The following SCAMP2 variants were observed in gnomAD, a reference collection of about 807,000 sequenced individuals.
The protein encoded by SCAMP2 is secretory carrier membrane protein 2.
Under a neutral mutation model 44.1 loss-of-function variants are expected in SCAMP2, and 25 were observed. That is an observed-to-expected ratio of 0.57 (90% CI 0.41 to 0.79). The LOEUF is 0.79. SCAMP2 is among the 30% of genes least tolerant of loss of function. SCAMP2 has a pLI of 0.00. For synonymous variants in SCAMP2, 156 were observed against 166.0 expected (o/e 0.94, Z 0.46); for missense variants, 355 against 411.0 (o/e 0.86, Z 1.18).
intron 4 of SCAMP2, 21 bp downstream of exon 4, chr15:74,852,048 G>A (rs2064438739): frequency 2.0e-6 from 3 of 1,520,730 alleles, no homozygotes; most frequent in Non-Finnish European, 2.7e-6. Context: ...GGCAGCCCCA[G>A]GCCCCAGCAG....
At chr15:74,861,695 G>A (rs1476181237) in intron 1 of SCAMP2, among the ~76,000 whole-genome samples, 7 of 151,714 alleles carry the variant, frequency 4.6e-5, no homozygotes, top group Non-Finnish European at 5.9e-5. Flanking sequence ...TCAGGAGATC[G>A]AGACCATCCT....
chr15:74,853,957 C>T, intron 3 of SCAMP2, 64 bp downstream of exon 3: 2 of 1,407,234 alleles, frequency 1.4e-6, no homozygotes, highest in Non-Finnish European at 2.0e-6. Context: ...CCTCAGGGCT[C>T]AGCTACTGGT....
At chr15:74,853,273 C>A in intron 3 of SCAMP2, 1 of 382,642 alleles carries the variant, frequency 2.6e-6, no homozygotes, top group Non-Finnish European at 5.3e-6. Context: ...CATGTAAGGC[C>A]TGCCTCACCT....
intron 1 of SCAMP2, among the ~76,000 whole-genome samples, chr15:74,862,859 C>CAT (rs1555475217): frequency 4.4e-5 from 4 of 91,894 alleles, no homozygotes; most frequent in Non-Finnish European, 6.6e-5. Context: ...ACCATACACA[C>CAT]ACACACACAC....
intron 1 of SCAMP2, among the ~76,000 whole-genome samples, chr15:74,872,554 C>T (rs577133835): frequency 6.6e-6 from 1 of 152,318 alleles, no homozygotes; most frequent in Non-Finnish European, 1.5e-5. Flanking sequence ...TCTCCCTAAC[C>T]CGGGCTCTCC....
chr15:74,851,395 C>CTCTGT lies in SCAMP2; in HGVS notation c.429_430insACAGA (p.Asp144ThrfsTer20), dbSNP rs1465994079. ...AGCATCTTGCATATCCGCTGGTAGTCGGCAGGGATCTCTGTGGAGAAATCC... is the reference window on the plus strand; with the variant it reads ...AGCATCTTGCATATCCGCTGGTAGTCTCTGTGGCAGGGATCTCTGTGGAGAAATCC... On this transcript the variant is annotated frameshift_variant, in exon 5 of 9. Transcript: ENST00000268099. LOFTEE classifies it high-confidence loss of function. 6.2e-7 allele frequency: 1 copy of CTCTGT among 1,613,920 alleles called. No homozygotes were observed. The highest frequency in any genetic ancestry group is 1.3e-5 in the African/African-American group (1 of 74,916).
At chr15:74,862,524 C>T (rs969579760) in intron 1 of SCAMP2, among the ~76,000 whole-genome samples, 17 of 150,332 alleles carry the variant, frequency 1.1e-4, no homozygotes, top group African/African-American at 3.7e-4. Context: ...TGCAGTGAGC[C>T]GAGATCACAC....
intron 7 of SCAMP2, among the ~76,000 whole-genome samples, chr15:74,845,882 G>A (rs531119959): frequency 5.3e-5 from 8 of 152,244 alleles, no homozygotes; most frequent in Non-Finnish European, 1.2e-4. Context: ...ACCGGGCTGG[G>A]TGCTATGGCT....
intron 1 of SCAMP2, among the ~76,000 whole-genome samples, chr15:74,869,557 AG>A (rs1272422777): frequency 5.9e-5 from 9 of 152,168 alleles, no homozygotes; most frequent in Non-Finnish European, 1.3e-4. Context: ...CCTTTAAAAC[AG>A]CCCTGTCCTG....
In SCAMP2 at chr15:74,845,075, G is replaced by C. The variant is rs1207991077; in HGVS notation, c.*8C>G. ...GAGAAAGGCTGAGGGGGAGAGAAGAGAGGAGGACTAATTCCCCTGGAAGGC... is the reference window on the plus strand; with the variant it reads ...GAGAAAGGCTGAGGGGGAGAGAAGACAGGAGGACTAATTCCCCTGGAAGGC... On this transcript the variant is annotated 3_prime_UTR_variant, in exon 9 of 9. Transcript: ENST00000268099. The C allele has an allele frequency of 2.5e-6, 4 of 1,612,026 alleles. No homozygotes were observed. Among genetic ancestry groups the C allele is most frequent in the Non-Finnish European group, 3.4e-6 (4 of 1,178,706 alleles).
chr15:74,871,210 T>C (rs929149014), intron 1 of SCAMP2, among the ~76,000 whole-genome samples: 3 of 152,150 alleles, frequency 2.0e-5, no homozygotes, highest in Non-Finnish European at 4.4e-5. Context: ...TCATAGCACT[T>C]TGAGAGGCTG....
At chr15:74,854,210 C>T (rs138919599) in intron 2 of SCAMP2, 91 bp from the exon 3 acceptor site, 3 of 1,170,596 alleles carry the variant, frequency 2.6e-6, no homozygotes, top group Non-Finnish European at 3.8e-6. Context: ...GTGATGTGCC[C>T]CTGCCTGTGA....
At chr15:74,863,839 G>T (rs1009892086) in intron 1 of SCAMP2, among the ~76,000 whole-genome samples, 10 of 152,160 alleles carry the variant, frequency 6.6e-5, no homozygotes, top group African/African-American at 2.4e-4. Flanking sequence ...AGAGGTGATG[G>T]CACATGATCA....
chr15:74,855,716 C>CAAA (rs10609131), intron 1 of SCAMP2, among the ~76,000 whole-genome samples: 16 of 84,040 alleles, frequency 1.9e-4, no homozygotes, highest in South Asian at 4.1e-4. Context: ...AACTCCATCT[C>CAAA]AAAAAAAAAA....
chr15:74,868,730 G>C (rs1219230821), intron 1 of SCAMP2, among the ~76,000 whole-genome samples: 4 of 152,152 alleles, frequency 2.6e-5, no homozygotes, highest in Admixed American at 6.5e-5. Context: ...TTGTTGTAGA[G>C]ATGGGGTTTT....
At chr15:74,850,037 C>G (rs1451968405) in intron 6 of SCAMP2, among the ~76,000 whole-genome samples, 1 of 152,202 alleles carries the variant, frequency 6.6e-6, no homozygotes, top group Non-Finnish European at 1.5e-5. Context: ...TTCCAGAACC[C>G]CTGGGGGTCT....
At chr15:74,854,159 C>G in intron 2 of SCAMP2, 40 bp from the exon 3 acceptor site, 1 of 1,572,930 alleles carries the variant, frequency 6.4e-7, no homozygotes, top group Non-Finnish European at 8.8e-7. Flanking sequence ...GAGTGGGACT[C>G]CATTAGCTGG....
At chr15:74,865,803 A>AC (rs148454775) in intron 1 of SCAMP2, among the ~76,000 whole-genome samples, 1 of 149,562 alleles carries the variant, frequency 6.7e-6, no homozygotes, top group African/African-American at 2.5e-5. Flanking sequence ...AAAAAAAAAA[A>AC]AGCCAGGCAC....
chr15:74,848,774 A>G (rs1452532111), intron 6 of SCAMP2, 73 bp from the exon 7 acceptor site: 4 of 1,089,750 alleles, frequency 3.7e-6, no homozygotes, highest in Non-Finnish European at 5.5e-6. Flanking sequence ...TTGGTGTGAC[A>G]TCCCTCCTCA....
Sources: gnomAD v4.1 joint callset for allele counts (sites outside exome capture counted in the v4.1 genomes callset) on GRCh38, gnomAD v4.1.1 for gene constraint, MANE v1.5 for transcripts, NCBI Gene and HGNC (gene_info 2026-07-23, HGNC 2026-07-21) for gene names.